LINGO2: variants seen among roughly 807,000 people sequenced by gnomAD.
LINGO2 encodes leucine-rich repeat and immunoglobulin-like domain-containing nogo receptor-interacting protein 2.
A neutral mutation model predicts 30.6 loss-of-function variants in LINGO2; 14 were observed. The observed-to-expected ratio is 0.46, with a 90% CI of 0.30 to 0.72. The LOEUF (loss-of-function observed/expected upper bound fraction) is 0.72. LINGO2 is among the 30% of genes least tolerant of loss of function. The pLI is 0.07. For synonymous variants in LINGO2, 317 were observed against 288.5 expected (o/e 1.10, Z -1.00); for missense variants, 729 against 751.7 (o/e 0.97, Z 0.35).
chr9:28,673,667 G>GATCATCATC (rs139919509), upstream of LINGO2, among the ~76,000 whole-genome samples: 22,326 of 147,064 alleles, frequency 0.15, 1,883 homozygotes, highest in East Asian at 0.25. Flanking sequence ...ACTCTGTCTC[G>GATCATCATC]ATCATCATCA....
In LINGO2 at chr9:28,148,384, A is replaced by G. The variant is rs546022920; in HGVS notation, c.-86-135979T>C. 5 of 1,190,230 alleles carry G rather than the reference A, an allele frequency of 4.2e-6. No homozygotes were observed. The East Asian group carries it at 7.7e-5, about 18-fold the overall frequency. The allele number at this position is 1,190,230 out of a possible 1,614,324, so 73.7% of individuals were successfully genotyped here. A position where few individuals can be genotyped will look rare whatever the true frequency, so the allele number is the denominator to read the frequency against. The stretch of plus-strand genomic sequence containing the variant: ...ATCTCAGAGGCAAGTTTAACCTTCA[A>G]CTTCCTTCATTAGATGAGCAGGTGA... On this transcript the variant is annotated intron_variant, in intron 4 of 5. Transcript: ENST00000379992. This position sits in a 1 kb window ranked among gnomAD's most constrained non-coding sequence, Gnocchi z 5.1.
chr9:28,243,636 C>A (rs575160359), intron 4 of LINGO2, among the ~76,000 whole-genome samples: 11 of 150,138 alleles, frequency 7.3e-5, no homozygotes, highest in Admixed American at 3.3e-4. Flanking sequence ...AACAAACAAA[C>A]AAACAAAAAA....
At chr9:28,944,228 C>A in the LINGO2 span, among the ~76,000 whole-genome samples, 3 of 152,230 alleles carry the variant, frequency 2.0e-5, no homozygotes, top group South Asian at 6.2e-4. Context: ...GAAAGAGAAG[C>A]AGACATTCAG....
At chr9:28,709,085 C>A in the LINGO2 span, among the ~76,000 whole-genome samples, 1 of 152,092 alleles carries the variant, frequency 6.6e-6, no homozygotes, top group Non-Finnish European at 1.5e-5. Context: ...GGATGTTCTG[C>A]AGAAACCTGA....
the LINGO2 span, among the ~76,000 whole-genome samples, chr9:28,884,667 C>CAT: frequency 0.27 from 33,717 of 126,540 alleles, 4,058 homozygotes; most frequent in East Asian, 0.4. Context: ...ATGTATTTTC[C>CAT]ATATATATAT....
Position 28,553,058 on chromosome 9 carries a change from A to G in LINGO2, c.-364-77033T>C, listed in dbSNP as rs149149021. 2.7e-3 allele frequency among the ~76,000 whole-genome samples: 412 copies of G among 152,028 alleles called. 6 individuals are homozygous for G. Among genetic ancestry groups the G allele is most frequent in the African/African-American group, 9.4e-3 (392 of 41,530 alleles). ...AACATGCTTTCTTCAAATATCTAAT[A>G]ATCCTTGGGATTCTGCTATAAAAGC... is the stretch of plus-strand genomic sequence containing the variant. On this transcript the variant is annotated intron_variant, in intron 1 of 5. Transcript: ENST00000379992.
intron 1 of LINGO2, among the ~76,000 whole-genome samples, chr9:28,659,005 G>A (rs1379492347): frequency 6.6e-6 from 1 of 152,038 alleles, no homozygotes; most frequent in African/African-American, 2.4e-5. Flanking sequence ...TGGCAAAAGA[G>A]GGTGAAAGTA....
rs147752366 is a variant in LINGO2, at chr9:28,464,913, G to A, written c.-279+11027C>T. ...CTGACCAGTTTGTGGGACTCATGAA[G>A]GGGTGGCTTGCTTACTCAGCCCGCA... On this transcript the variant is annotated intron_variant, in intron 2 of 5. Coordinates refer to ENST00000379992, the Ensembl canonical transcript of LINGO2. 6.3e-4 allele frequency among the ~76,000 whole-genome samples: 96 copies of A among 152,298 alleles called. 1 individual carries two copies. The East Asian group carries it at 0.016, about 25-fold the overall frequency.
intron 1 of LINGO2, among the ~76,000 whole-genome samples, chr9:28,631,589 A>G (rs1238981190): frequency 6.6e-6 from 1 of 152,086 alleles, no homozygotes; most frequent in Non-Finnish European, 1.5e-5. Context: ...TTCTTGGGAA[A>G]TAAGGGTCGT....
the LINGO2 span, among the ~76,000 whole-genome samples, chr9:29,131,480 C>A: frequency 6.6e-6 from 1 of 152,078 alleles, no homozygotes; most frequent in South Asian, 2.1e-4. Flanking sequence ...CCATCCCAAT[C>A]CCCGCTCTAT....
the LINGO2 span, among the ~76,000 whole-genome samples, chr9:29,118,384 G>T: frequency 1.3e-5 from 2 of 152,186 alleles, no homozygotes; most frequent in Non-Finnish European, 2.9e-5. Flanking sequence ...GGGAGCAAAT[G>T]GATATTTTCT....
intron 1 of LINGO2, among the ~76,000 whole-genome samples, chr9:28,548,956 T>A (rs893779605): frequency 6.6e-6 from 1 of 151,994 alleles, no homozygotes; most frequent in Non-Finnish European, 1.5e-5. Flanking sequence ...CAGAATATAA[T>A]AAAACAAATG....
chr9:27,968,845 C>A (rs1282713977), intron 5 of LINGO2, among the ~76,000 whole-genome samples: 2 of 151,506 alleles, frequency 1.3e-5, no homozygotes, highest in South Asian at 2.1e-4. Flanking sequence ...TTTACCTCTA[C>A]CTTTAAAACA....
the LINGO2 span, among the ~76,000 whole-genome samples, chr9:28,878,466 G>A: frequency 3.7e-4 from 56 of 152,062 alleles, no homozygotes; most frequent in African/African-American, 1.3e-3. Context: ...GAAAAAGAGG[G>A]AATCCTCCCA....
At chr9:28,236,248 T>G (rs1463539047) in intron 4 of LINGO2, among the ~76,000 whole-genome samples, 1 of 152,114 alleles carries the variant, frequency 6.6e-6, no homozygotes, top group Non-Finnish European at 1.5e-5. Flanking sequence ...TCTTTAAGCA[T>G]GAAGGATAAA....
At chr9:28,732,481 C>T in the LINGO2 span, among the ~76,000 whole-genome samples, 1 of 151,848 alleles carries the variant, frequency 6.6e-6, no homozygotes, top group Non-Finnish European at 1.5e-5. Context: ...AGTATTTTTA[C>T]CCCTTGAATA....
intron 1 of LINGO2, among the ~76,000 whole-genome samples, chr9:28,487,566 A>T (rs1826219940): frequency 6.6e-6 from 1 of 152,156 alleles, no homozygotes; most frequent in African/African-American, 2.4e-5. Context: ...CTTCTTCTCA[A>T]CTCACATGAA....
Position 27,995,961 on chromosome 9 carries a change from TAAA to T in LINGO2, c.-36+16391_-36+16393del, listed in dbSNP as rs200401119. Among the ~76,000 whole-genome samples, 1,251 of 149,874 alleles carry T rather than the reference TAAA, an allele frequency of 8.3e-3. 21 individuals are homozygous for T. Among genetic ancestry groups the T allele is most frequent in the African/African-American group, 0.03 (1,189 of 39,348 alleles). ...ATATGACCTTACATTTAGAAAAACT[TAAA>T]AACTTAAAAACTTCAATAAAAATGT... On this transcript the variant is annotated intron_variant, in intron 5 of 5. Coordinates refer to ENST00000379992, the Ensembl canonical transcript of LINGO2.
the LINGO2 span, among the ~76,000 whole-genome samples, chr9:28,679,137 G>A: frequency 6.6e-6 from 1 of 151,798 alleles, no homozygotes; most frequent in Non-Finnish European, 1.5e-5. Context: ...ATTCTTGGCG[G>A]GTCATCTCAT....
Sources: gnomAD v4.1 joint callset for allele counts (sites outside exome capture counted in the v4.1 genomes callset) on GRCh38, gnomAD v4.1.1 for gene constraint, Gnocchi (gnomAD v3.1) non-coding constraint, MANE v1.5 for transcripts, NCBI Gene and HGNC (gene_info 2026-07-23, HGNC 2026-07-21) for gene names.